The following MRM1 variants were observed in gnomAD, a reference collection of about 807,000 sequenced individuals.
MRM1 encodes rRNA methyltransferase 1, mitochondrial.
MRM1 carries 24 observed loss-of-function variants against 25.0 expected under a neutral mutation model. The observed-to-expected ratio is 0.96, with a 90% CI of 0.69 to 1.35. The LOEUF (loss-of-function observed/expected upper bound fraction) is 1.35. Ranked by LOEUF, MRM1 falls within the 40% of genes most tolerant of loss-of-function variation. MRM1 has a pLI of 0.00. For missense variants in MRM1, 431 were observed against 464.1 expected, an observed-to-expected ratio of 0.93 and a Z score of 0.65; for synonymous variants, 188 against 199.2, an observed-to-expected ratio of 0.94 and a Z score of 0.47.
At chr17:36,621,971 T>C in the MRM1 span, among the ~76,000 whole-genome samples, 1 of 152,216 alleles carries the variant, frequency 6.6e-6, no homozygotes, top group African/African-American at 2.4e-5. Flanking sequence ...TGTCTTTCCA[T>C]TTCTGCATCT....
At chr17:36,612,115 A>C (rs1599588922), downstream of MRM1, among the ~76,000 whole-genome samples, 1 of 151,528 alleles carries the variant, frequency 6.6e-6, no homozygotes, top group Non-Finnish European at 1.5e-5. Context: ...TAGGCACCCC[A>C]CCCCCCACAG....
chr17:36,625,464 T>C, the MRM1 span, among the ~76,000 whole-genome samples: 5 of 137,932 alleles, frequency 3.6e-5, no homozygotes, highest in African/African-American at 1.4e-4. Context: ...TCCTCCTCCT[T>C]TTTTTTTTTT....
chr17:36,631,990 C>T, the MRM1 span, among the ~76,000 whole-genome samples: 1 of 152,166 alleles, frequency 6.6e-6, no homozygotes, highest in South Asian at 2.1e-4. Context: ...AGCTACAGAA[C>T]AACCCAGGGA....
chr17:36,633,054 AT>A, the MRM1 span, among the ~76,000 whole-genome samples: 1 of 152,230 alleles, frequency 6.6e-6, no homozygotes, highest in Non-Finnish European at 1.5e-5. Flanking sequence ...AGGCTGAATT[AT>A]TTGGATAATT....
At chr17:36,631,751 G>T in the MRM1 span, among the ~76,000 whole-genome samples, 6 of 152,336 alleles carry the variant, frequency 3.9e-5, no homozygotes, top group East Asian at 9.6e-4. Context: ...GTGTGGAGAT[G>T]AGGGCCAGGC....
the MRM1 span, among the ~76,000 whole-genome samples, chr17:36,617,187 A>G: frequency 6.6e-6 from 1 of 152,170 alleles, no homozygotes; most frequent in African/African-American, 2.4e-5. Flanking sequence ...TTGGCCCCAC[A>G]GAGACTCCAG....
chr17:36,607,786 T>TACTC lies in MRM1; in HGVS notation c.754_757dup (p.Leu253HisfsTer8). On this transcript the variant is annotated frameshift_variant, in exon 3 of 5. Coordinates refer to ENST00000614766, the MANE Select transcript of MRM1 (RefSeq NM_024864.5). LOFTEE classifies it high-confidence loss of function. ...GCTTGGAGTTCCTCTGGGAACGGCC[T>TACTC]ACTCTCCTTGTGCTGGGTAGGTGGA... is the stretch of plus-strand genomic sequence containing the variant. 6.2e-7 allele frequency: 1 copy of TACTC among 1,614,080 alleles called. No individual in the cohort carries two copies. Among genetic ancestry groups the TACTC allele is most frequent in the South Asian group, 1.1e-5 (1 of 91,078 alleles).
At chr17:36,606,364 G>T (rs1179625762) in intron 2 of MRM1, among the ~76,000 whole-genome samples, 1 of 151,778 alleles carries the variant, frequency 6.6e-6, no homozygotes, top group Middle Eastern at 3.5e-3. Context: ...GCAGATAAAT[G>T]AATGTATGGG....
chr17:36,610,454 G>T (rs1379123397), downstream of MRM1, among the ~76,000 whole-genome samples: 2 of 152,056 alleles, frequency 1.3e-5, no homozygotes, highest in East Asian at 3.9e-4. Context: ...GGATGGTCTC[G>T]ATCTCCTGAC....
In MRM1 at chr17:36,603,155, C is replaced by G. The variant is rs540624595; in HGVS notation, c.636+509C>G. The G allele has an allele frequency of 4.7e-3, 4,614 of 984,978 alleles. 15 individuals carry two copies. Among genetic ancestry groups the G allele is most frequent in the Non-Finnish European group, 5.2e-3 (4,293 of 829,780 alleles). The allele number at this position is 984,978 out of a possible 1,614,324, so 61.0% of individuals were successfully genotyped here. A position where few individuals can be genotyped will look rare whatever the true frequency, so the allele number is the denominator to read the frequency against. On this transcript the variant is annotated intron_variant, in intron 2 of 4. Coordinates refer to ENST00000614766, the MANE Select transcript of MRM1 (RefSeq NM_024864.5). ...GCAGTATTGCTCTGCATATGGAATC[C>G]CCTCTGACCATACCCCCCCCAACCC...
At chr17:36,615,531 C>T in the MRM1 span, among the ~76,000 whole-genome samples, 24 of 151,960 alleles carry the variant, frequency 1.6e-4, no homozygotes, top group African/African-American at 5.1e-4. Flanking sequence ...TGATGGCAGG[C>T]GCCTATAATC....
the MRM1 span, among the ~76,000 whole-genome samples, chr17:36,631,096 G>A: frequency 6.6e-6 from 1 of 152,228 alleles, no homozygotes; most frequent in Admixed American, 6.5e-5. Context: ...AAGGTGCTTA[G>A]CACCCAGCTC....
the MRM1 span, among the ~76,000 whole-genome samples, chr17:36,620,203 T>C: frequency 6.6e-6 from 1 of 151,370 alleles, no homozygotes; most frequent in Non-Finnish European, 1.5e-5. Context: ...TTTGATGTAA[T>C]CCTATTTTTC....
the MRM1 span, among the ~76,000 whole-genome samples, chr17:36,615,591 G>A: frequency 2.0e-5 from 3 of 151,482 alleles, no homozygotes; most frequent in East Asian, 2.0e-4. Flanking sequence ...CCCAGTAGGC[G>A]GAGGTTACGG....
chr17:36,614,387 C>T, the MRM1 span, among the ~76,000 whole-genome samples: 2 of 152,294 alleles, frequency 1.3e-5, no homozygotes, highest in South Asian at 2.1e-4. Context: ...TGGGCCTGTG[C>T]GCCAGGTGAC....
At chr17:36,611,872 G>C (rs1224417014), downstream of MRM1, among the ~76,000 whole-genome samples, 1 of 152,080 alleles carries the variant, frequency 6.6e-6, no homozygotes, top group African/African-American at 2.4e-5. Flanking sequence ...CGTCCAGCTT[G>C]CTGACTCACC....
At chr17:36,631,847 C>T in the MRM1 span, among the ~76,000 whole-genome samples, 7 of 152,164 alleles carry the variant, frequency 4.6e-5, no homozygotes, top group Admixed American at 6.5e-5. Flanking sequence ...AACCCTTCCC[C>T]CTACCTCAAC....
downstream of MRM1, among the ~76,000 whole-genome samples, chr17:36,609,507 G>A (rs2074961295): frequency 2.0e-5 from 3 of 152,202 alleles, no homozygotes; most frequent in South Asian, 4.1e-4. Flanking sequence ...CCTGTGCACT[G>A]TAGGATGTTT....
chr17:36,632,217 G>A, the MRM1 span, among the ~76,000 whole-genome samples: 1 of 152,246 alleles, frequency 6.6e-6, no homozygotes, highest in South Asian at 2.1e-4. Flanking sequence ...ACTTGTTAGT[G>A]CCCAGGGCTC....
Sources: gnomAD v4.1 joint callset for allele counts (sites outside exome capture counted in the v4.1 genomes callset) on GRCh38, gnomAD v4.1.1 for gene constraint, MANE v1.5 for transcripts, NCBI Gene and HGNC (gene_info 2026-07-23, HGNC 2026-07-21) for gene names.